CHST10: variants seen among roughly 807,000 people sequenced by gnomAD.
CHST10 encodes HNK-1 sulfotransferase.
In CHST10, 24 loss-of-function variants were observed where a neutral mutation model predicts 34.7. The observed-to-expected ratio is 0.69, with a 90% CI of 0.50 to 0.97. The LOEUF is 0.97. Among genes scored for constraint, CHST10 ranks in the 50% least tolerant of loss-of-function variants. The probability of loss-of-function intolerance (pLI) is 0.00; values close to 1 mark genes in which losing one functional copy is unlikely to be tolerated. For missense variants in CHST10, 402 were observed against 452.1 expected, an observed-to-expected ratio of 0.89 and a Z score of 1.00; for synonymous variants, 161 against 169.3, an observed-to-expected ratio of 0.95 and a Z score of 0.38.
rs757548653 is a variant in CHST10 at position 100,395,522 on chromosome 2, C to G, written c.520G>C (p.Glu174Gln). The part of the protein sequence containing the change: ...LPRLSSFSDA[E>Q]IQKRLKTYFK... ...AGCTGTTCTCACCGCTTCTGAATTT[C>G]TGCATCACTGAAGGAAGAGAGCCGA... The change falls in exon 6 of 7, where the codon GAA (glutamate) becomes CAA (glutamine). Residue 174 changes from glutamate to glutamine, a missense_variant. Physicochemically the swap from Glu to Gln is conservative, Grantham distance 29 (BLOSUM62 2). Coordinates refer to ENST00000264249, the MANE Select transcript of CHST10 (RefSeq NM_004854.5). 1.2e-6 allele frequency: 2 copies of G among 1,613,684 alleles called. No homozygotes were observed. The highest frequency in any genetic ancestry group is 1.7e-4 in the Middle Eastern group (1 of 6,060).
At chr2:100,417,337 C>T (rs1316269827) in intron 1 of CHST10, 37 bp downstream of exon 1, 1 of 345,880 alleles carries the variant, frequency 2.9e-6, no homozygotes, top group Non-Finnish European at 5.7e-6. Context: ...GGGGCCCAGG[C>T]GCTGAAACCC....
At chr2:100,394,082 A>G (rs569820409) in intron 6 of CHST10, among the ~76,000 whole-genome samples, 1 of 152,218 alleles carries the variant, frequency 6.6e-6, no homozygotes, top group Non-Finnish European at 1.5e-5. Flanking sequence ...CTTCTGTTTT[A>G]CTTGAATGAT....
At chr2:100,402,016 CAAG>C (rs1213801783) in intron 4 of CHST10, among the ~76,000 whole-genome samples, 6 of 152,278 alleles carry the variant, frequency 3.9e-5, no homozygotes, top group African/African-American at 1.4e-4. Flanking sequence ...TTTAGGTGCA[CAAG>C]AAGCCTGCAG....
chr2:100,401,719 A>G (rs543517280), intron 4 of CHST10, among the ~76,000 whole-genome samples: 5 of 152,202 alleles, frequency 3.3e-5, no homozygotes, highest in Admixed American at 2.0e-4. Flanking sequence ...CCTCCATTCC[A>G]TCAATGTCCT....
At chr2:100,402,218 A>G (rs183149631) in intron 4 of CHST10, among the ~76,000 whole-genome samples, 300 of 152,246 alleles carry the variant, frequency 2.0e-3, no homozygotes, top group African/African-American at 7.0e-3. Context: ...CTAAAACCCC[A>G]TGACTGGGTG....
chr2:100,392,901 T>C lies in CHST10; in HGVS notation c.*344A>G, dbSNP rs926119384. 31 of 265,042 alleles carry C rather than the reference T, an allele frequency of 1.2e-4. No individual in the cohort carries two copies. Among genetic ancestry groups the C allele is most frequent in the African/African-American group, 6.7e-4 (31 of 45,944 alleles). 16.4% of individuals were successfully genotyped at this position (265,042 alleles called of 1,614,324 possible). A position where few individuals can be genotyped will look rare whatever the true frequency, so the allele number is the denominator to read the frequency against. Reference sequence around the variant, plus strand: ...AGAACCTCAGGGGCATCCCCTTCCTTAACACCTGAAGGAAACGGCTCCTAA... The same window carrying C: ...AGAACCTCAGGGGCATCCCCTTCCTCAACACCTGAAGGAAACGGCTCCTAA... On this transcript the variant is annotated 3_prime_UTR_variant, in exon 7 of 7. Transcript: ENST00000264249.
At chr2:100,396,723 G>A (rs1363289444) in intron 5 of CHST10, among the ~76,000 whole-genome samples, 1 of 152,036 alleles carries the variant, frequency 6.6e-6, no homozygotes, top group Non-Finnish European at 1.5e-5. Flanking sequence ...TGCACTAGTG[G>A]TTACCGAAGA....
intron 6 of CHST10, among the ~76,000 whole-genome samples, chr2:100,394,513 A>T (rs1382382027): frequency 6.6e-6 from 1 of 152,160 alleles, no homozygotes; most frequent in African/African-American, 2.4e-5. Context: ...CACCAGGAGC[A>T]TCTCTGGTAA....
chr2:100,393,609 T>C lies in CHST10; in HGVS notation c.707A>G (p.Gln236Arg). 6.2e-7 allele frequency: 1 copy of C among 1,614,154 alleles called. No homozygotes were observed. The highest frequency in any genetic ancestry group is 8.5e-7 in the Non-Finnish European group (1 of 1,180,020). Residue 236 changes from glutamine to arginine, a missense_variant, in exon 7 of 7, where the codon CAG (glutamine) becomes CGG (arginine). Gln to Arg is a conservative substitution (Grantham distance 43). Transcript: ENST00000264249. ...GAGGTAGCGCACGAAATCTTCAAAC[T>C]GGATCCCCCGGGTCTCTGTCCGGTT... Reference protein sequence around the residue: ...RRNRTETRGIQFEDFVRYLGD... With the variant: ...RRNRTETRGIRFEDFVRYLGD...
chr2:100,394,972 G>C (rs1674985743), intron 6 of CHST10, among the ~76,000 whole-genome samples: 1 of 151,942 alleles, frequency 6.6e-6, no homozygotes, highest in South Asian at 2.1e-4. Flanking sequence ...GCCCACCTCG[G>C]CCTCCCAAAG....
intron 6 of CHST10, among the ~76,000 whole-genome samples, 189 bp downstream of exon 6, chr2:100,395,320 G>A (rs1246512552): frequency 1.3e-5 from 2 of 152,184 alleles, no homozygotes; most frequent in African/African-American, 4.8e-5. Flanking sequence ...GAAATTCTCA[G>A]AAGGAACTGA....
At chr2:100,412,479 C>T (rs1453835693) in intron 2 of CHST10, among the ~76,000 whole-genome samples, 1 of 152,114 alleles carries the variant, frequency 6.6e-6, no homozygotes, top group Non-Finnish European at 1.5e-5. Flanking sequence ...ACCCCGGGCC[C>T]CAAGAATACC....
chr2:100,401,652 TG>T (rs1675345558), intron 4 of CHST10, among the ~76,000 whole-genome samples: 1 of 152,284 alleles, frequency 6.6e-6, no homozygotes, highest in African/African-American at 2.4e-5. Flanking sequence ...TTTCTTACCC[TG>T]GGATGCCTCA....
At chr2:100,395,689 A>T (rs1675025978) in intron 5 of CHST10, 75 bp from the exon 6 acceptor site, 1 of 1,157,114 alleles carries the variant, frequency 8.6e-7, no homozygotes, top group Non-Finnish European at 1.3e-6. Flanking sequence ...TCCTTACCTC[A>T]TCTTTACCTT....
intron 6 of CHST10, among the ~76,000 whole-genome samples, chr2:100,394,634 G>T (rs1674966141): frequency 6.6e-6 from 1 of 152,124 alleles, no homozygotes; most frequent in African/African-American, 2.4e-5. Context: ...CGCTGCTTTT[G>T]CATCCTCACT....
chr2:100,407,651 G>A (rs1302273716), intron 2 of CHST10: 3 of 152,198 alleles, frequency 2.0e-5, no homozygotes. Flanking sequence ...AGACCCAGGT[G>A]AATCACTCTC....
rs1676008151 is a variant in CHST10, at chr2:100,415,029, T to A, written c.-33+12A>T. 7.7e-7 allele frequency: 1 copy of A among 1,301,458 alleles called. No homozygotes were observed. Among genetic ancestry groups the A allele is most frequent in the African/African-American group, 1.5e-5 (1 of 65,748 alleles). 80.6% of individuals were successfully genotyped at this position (1,301,458 alleles called of 1,614,324 possible). ...TCAAATAACTGATGAGCTCACATTC[T>A]CCTTCACGTACCTTCTGCAGCCTGG... On this transcript the variant is annotated intron_variant, in intron 2 of 6. Transcript: ENST00000264249.
chr2:100,398,499 T>C (rs1016245919), intron 4 of CHST10, among the ~76,000 whole-genome samples: 1 of 151,820 alleles, frequency 6.6e-6, no homozygotes, highest in Admixed American at 6.6e-5. Flanking sequence ...AGGTCAGGAG[T>C]TCGAGATCAG....
At chr2:100,406,504 C>T in intron 3 of CHST10, 72 bp downstream of exon 3, 1 of 1,578,254 alleles carries the variant, frequency 6.3e-7, no homozygotes, top group Non-Finnish European at 8.6e-7. Context: ...GTCATCTATG[C>T]ATGTACCTAG....
Sources: allele counts gnomAD v4.1 joint callset (sites outside exome capture counted in the v4.1 genomes callset), GRCh38; gene constraint gnomAD v4.1.1; transcripts MANE v1.5; gene names NCBI Gene and HGNC (gene_info 2026-07-23, HGNC 2026-07-21).